Variants in FBXO11 observed in about 807,000 individuals in gnomAD.
FBXO11 encodes F-box only protein 11.
Under a neutral mutation model 117.0 loss-of-function variants are expected in FBXO11, and 13 were observed. That is an observed-to-expected ratio of 0.11 (90% confidence interval 0.07 to 0.18). The LOEUF is 0.18. FBXO11 is among the 10% of genes least tolerant of loss of function. FBXO11 has a pLI of 1.00. For synonymous variants in FBXO11, 490 were observed against 380.5 expected (o/e 1.29, Z -3.35); for missense variants, 767 against 1,164.4 (o/e 0.66, Z 4.97).
intron 20 of FBXO11, 115 bp downstream of exon 20, chr2:47,809,485 T>C: frequency 1.2e-6 from 1 of 803,858 alleles, no homozygotes; most frequent in Non-Finnish European, 2.0e-6. Context: ...TCAAAATCTA[T>C]CTTAAACTGT....
At chr2:47,883,017 A>G (rs947940350) in intron 1 of FBXO11, among the ~76,000 whole-genome samples, 1 of 152,094 alleles carries the variant, frequency 6.6e-6, no homozygotes, top group African/African-American at 2.4e-5. Flanking sequence ...TTGCCCTGCC[A>G]TCTCTTTTCT....
intron 1 of FBXO11, among the ~76,000 whole-genome samples, chr2:47,855,310 C>T (rs1162181772): frequency 1.3e-5 from 2 of 151,940 alleles, no homozygotes; most frequent in Non-Finnish European, 2.9e-5. Context: ...AAGTGATCCT[C>T]CCACACCTCA....
At chr2:47,814,074 T>C (rs980007892) in intron 16 of FBXO11, 2 of 472,892 alleles carry the variant, frequency 4.2e-6, no homozygotes, top group Non-Finnish European at 7.7e-6. Flanking sequence ...CAGATTATTA[T>C]TGTAGAGTTT....
intron 1 of FBXO11, among the ~76,000 whole-genome samples, chr2:47,855,409 A>AT (rs1363685191): frequency 6.6e-6 from 1 of 152,136 alleles, no homozygotes; most frequent in Admixed American, 6.6e-5. Context: ...AGGTAGACTC[A>AT]TTTTATCTCC....
intron 4 of FBXO11, among the ~76,000 whole-genome samples, chr2:47,837,567 T>C (rs1188402838): frequency 6.6e-6 from 1 of 152,166 alleles, no homozygotes; most frequent in Non-Finnish European, 1.5e-5. Flanking sequence ...GTGCACCTTT[T>C]GTGCATCATA....
chr2:47,841,315 A>C (rs1282496912), intron 1 of FBXO11, among the ~76,000 whole-genome samples: 1 of 152,224 alleles, frequency 6.6e-6, no homozygotes, highest in African/African-American at 2.4e-5. Flanking sequence ...GATGAGGGGA[A>C]GCTTCTCTAT....
At chr2:47,847,444 C>A (rs142469546) in intron 1 of FBXO11, among the ~76,000 whole-genome samples, 1,804 of 152,268 alleles carry the variant, frequency 0.012, 27 homozygotes, top group African/African-American at 0.039. Context: ...TGTGGTGGCT[C>A]ACGCCTGTAA....
In FBXO11 at chr2:47,905,797, G is replaced by A. The variant is rs1572944066; in HGVS notation, c.-77C>T. On this transcript the variant is annotated 5_prime_UTR_variant, in exon 1 of 23. Coordinates refer to ENST00000403359, the MANE Select transcript of FBXO11 (RefSeq NM_001190274.2). ...ACAGCGAGCTTCGGGGCAGGAGAAA[G>A]GGGTGGGGAGAGTGGGAGAGGGGGG... The A allele has an allele frequency of 1.4e-6, 2 of 1,433,792 alleles. No homozygotes were observed. Among genetic ancestry groups the A allele is most frequent in the East Asian group, 3.0e-5 (1 of 33,680 alleles). The allele number at this position is 1,433,792 out of a possible 1,614,324, so 88.8% of individuals were successfully genotyped here.
intron 4 of FBXO11, among the ~76,000 whole-genome samples, chr2:47,838,481 ATTAT>A (rs1558429649): frequency 1.4e-5 from 2 of 146,736 alleles, no homozygotes; most frequent in South Asian, 2.2e-4. Flanking sequence ...AAGGGCATGA[ATTAT>A]TTAAAGATTC....
chr2:47,882,120 GAA>G (rs1203228909), intron 1 of FBXO11, among the ~76,000 whole-genome samples: 1 of 152,130 alleles, frequency 6.6e-6, no homozygotes, highest in African/African-American at 2.4e-5. Context: ...TCTATCAGCT[GAA>G]GTTTATACTC....
At chr2:47,897,758 G>T (rs1477928494) in intron 1 of FBXO11, among the ~76,000 whole-genome samples, 1 of 149,478 alleles carries the variant, frequency 6.7e-6, no homozygotes, top group Non-Finnish European at 1.5e-5. Context: ...CAAAGATTTT[G>T]CCACAATTCA....
intron 1 of FBXO11, 191 bp downstream of exon 1, chr2:47,905,298 G>T: frequency 2.3e-6 from 1 of 431,202 alleles, no homozygotes. Context: ...AAGGGAAGCC[G>T]CGGCTTTTCC....
intron 1 of FBXO11, among the ~76,000 whole-genome samples, chr2:47,877,962 CG>C (rs1229497655): frequency 1.3e-5 from 2 of 151,954 alleles, no homozygotes; most frequent in African/African-American, 4.8e-5. Flanking sequence ...GGATTACAGG[CG>C]TGAGCCACCG....
In FBXO11 at chr2:47,839,408, A is replaced by G; in HGVS notation, c.442+11T>C. 1 of 1,596,602 alleles carries G rather than the reference A, an allele frequency of 6.3e-7. No individual in the cohort carries two copies. Among genetic ancestry groups the G allele is most frequent in the Non-Finnish European group, 8.5e-7 (1 of 1,175,256 alleles). ...ATTTTACCCTATTTGTTACTTTCCC[A>G]CAGGAAATACCTGATAGATCTTGTG... On this transcript the variant is annotated intron_variant, in intron 3 of 22. Transcript: ENST00000403359.
rs370587312 is a variant in FBXO11, at chr2:47,809,151, A to T, written c.2555+7T>A. 4.0e-6 allele frequency: 6 copies of T among 1,499,938 alleles called. No homozygotes were observed. The African/African-American group carries it at 8.4e-5, about 21-fold the overall frequency. The allele number at this position is 1,499,938 out of a possible 1,614,324, so 92.9% of individuals were successfully genotyped here. ...CTTTTCAGGACTCAAATATATTTCT[A>T]AGTTACCTGTAGAAATCATGCATGG... is the stretch of plus-strand genomic sequence containing the variant. On this transcript the variant is annotated splice_region_variant and intron_variant, in intron 21 of 22. Transcript: ENST00000403359.
intron 1 of FBXO11, among the ~76,000 whole-genome samples, chr2:47,870,107 A>G (rs1248278776): frequency 6.6e-6 from 1 of 152,248 alleles, no homozygotes; most frequent in East Asian, 1.9e-4. Flanking sequence ...TCTCCAGTCA[A>G]CTGCCTTCGG....
chr2:47,809,264 T>TATC lies in FBXO11; in HGVS notation c.2447-1_2448dup (p.Asp816dup). 1.3e-6 allele frequency: 2 copies of TATC among 1,541,990 alleles called. No homozygotes were observed. The highest frequency in any genetic ancestry group is 1.8e-6 in the Non-Finnish European group (2 of 1,125,404). On this transcript the variant is annotated inframe_insertion and splice_region_variant, in exon 21 of 23. Transcript: ENST00000403359. ...GCATCTTGATTGTTCATTATTTTGT[T>TATC]ATCTGTAATAAAAGAAAGAATAAGT...
At position 47,833,044 on chromosome 2, in the gene FBXO11, T is replaced by C; in HGVS notation, c.961A>G (p.Ile321Val). 4.3e-6 allele frequency: 7 copies of C among 1,613,436 alleles called. No homozygotes were observed. The highest frequency in any genetic ancestry group is 5.9e-6 in the Non-Finnish European group (7 of 1,179,628). The change falls in exon 8 of 23, where the codon ATA becomes GTA. Residue 321 changes from isoleucine to valine, a missense_variant. Transcript: ENST00000403359. ...AAPGKVADKVIIENTRDSTFV... is the reference protein window; with the variant it reads ...AAPGKVADKVVIENTRDSTFV... Reference sequence around the variant, plus strand: ...GTTGAATCTCTAGTGTTTTCAATTATAACTTTGTCTGCCACTTTCCCAGGT... The same window carrying C: ...GTTGAATCTCTAGTGTTTTCAATTACAACTTTGTCTGCCACTTTCCCAGGT...
chr2:47,895,704 T>G (rs528608149), intron 1 of FBXO11, among the ~76,000 whole-genome samples: 2 of 152,364 alleles, frequency 1.3e-5, no homozygotes, highest in East Asian at 1.9e-4. Flanking sequence ...TGTTGTTGTT[T>G]TTTTTTGAGA....
Sources: allele counts gnomAD v4.1 joint callset (sites outside exome capture counted in the v4.1 genomes callset), GRCh38; gene constraint gnomAD v4.1.1; transcripts MANE v1.5; gene names NCBI Gene and HGNC (gene_info 2026-07-23, HGNC 2026-07-21).